The following GABRG3 variants were observed in gnomAD, a reference collection of about 807,000 sequenced individuals.
GABRG3 encodes gamma-aminobutyric acid receptor subunit gamma-3.
Under a neutral mutation model 48.8 loss-of-function variants are expected in GABRG3, and 25 were observed. The observed-to-expected ratio is 0.51, with a 90% CI of 0.37 to 0.72. The LOEUF is 0.72. GABRG3 is among the 30% of genes least tolerant of loss of function. The pLI is 0.00. For missense variants in GABRG3, 394 were observed against 577.9 expected (o/e 0.68, Z 3.26); for synonymous variants, 227 against 217.6 (o/e 1.04, Z -0.38).
chr15:27,174,584 G>GTCTCTCTCTCTCTC lies in GABRG3; in HGVS notation c.270+147784_270+147797dup, dbSNP rs150022606. The stretch of plus-strand genomic sequence containing the variant: ...GGACCAGTGACTGCCTCTCTCTCTC[G>GTCTCTCTCTCTCTC]TCTCTCTCTCTCTCTCTCTCTCTCT... On this transcript the variant is annotated intron_variant, in intron 3 of 9. Coordinates refer to ENST00000615808, the MANE Select transcript of GABRG3 (RefSeq NM_033223.5). Among the ~76,000 whole-genome samples the GTCTCTCTCTCTCTC allele has an allele frequency of 2.1e-3, 289 of 139,732 alleles. 3 individuals carry two copies. The highest frequency in any genetic ancestry group is 5.8e-3 in the African/African-American group (211 of 36,456). 91.7% of individuals were successfully genotyped at this position (139,732 alleles called of 152,430 possible).
chr15:27,439,461 T>A (rs754599008), intron 5 of GABRG3, among the ~76,000 whole-genome samples: 1 of 152,234 alleles, frequency 6.6e-6, no homozygotes, highest in Non-Finnish European at 1.5e-5. Flanking sequence ...AGATTGATGT[T>A]GATCATCTGT....
chr15:27,206,467 G>T lies in GABRG3; in HGVS notation c.271-120342G>T, dbSNP rs531576399. Among the ~76,000 whole-genome samples the T allele has an allele frequency of 3.9e-5, 6 of 152,204 alleles. No homozygotes were observed. The South Asian group carries it at 1.2e-3, about 32-fold the overall frequency. On this transcript the variant is annotated intron_variant, in intron 3 of 9. Transcript: ENST00000615808. ...GAATTTGTTGAGAATTGCTTTATGG[G>T]CTTAGCATATGGTAAATGTTAGAGT...
chr15:27,153,127 C>T (rs1004440637), intron 3 of GABRG3, among the ~76,000 whole-genome samples: 1 of 152,162 alleles, frequency 6.6e-6, no homozygotes, highest in Non-Finnish European at 1.5e-5. Context: ...TCCCAAAGTG[C>T]TGGGATTACA....
intron 3 of GABRG3, among the ~76,000 whole-genome samples, chr15:27,191,851 C>T (rs958139098): frequency 8.5e-5 from 13 of 152,118 alleles, no homozygotes; most frequent in Non-Finnish European, 1.5e-4. Flanking sequence ...CATGATTTTG[C>T]AGTGGCTGGT....
At chr15:27,042,407 C>T (rs184956995) in intron 3 of GABRG3, among the ~76,000 whole-genome samples, 1 of 152,304 alleles carries the variant, frequency 6.6e-6, no homozygotes, top group African/African-American at 2.4e-5. Context: ...TGGACACATC[C>T]TCCTCCATCC....
At chr15:27,031,063 G>GACACACAC (rs72485766) in intron 3 of GABRG3, among the ~76,000 whole-genome samples, 2,482 of 149,872 alleles carry the variant, frequency 0.017, 78 homozygotes, top group African/African-American at 0.054. Context: ...CACACACACA[G>GACACACAC]ACACACACAC....
chr15:27,229,377 C>G (rs1287781734), intron 3 of GABRG3, among the ~76,000 whole-genome samples: 1 of 152,054 alleles, frequency 6.6e-6, no homozygotes, highest in African/African-American at 2.4e-5. Context: ...TGTCAAAGAT[C>G]AGATGCTATA....
intron 3 of GABRG3, among the ~76,000 whole-genome samples, chr15:27,257,808 G>A (rs1471690895): frequency 6.8e-6 from 1 of 146,950 alleles, no homozygotes; most frequent in African/African-American, 2.7e-5. Context: ...ACCACCACAC[G>A]TGGCTATTTT....
At chr15:27,218,080 G>A (rs1035580935) in intron 3 of GABRG3, among the ~76,000 whole-genome samples, 1 of 152,168 alleles carries the variant, frequency 6.6e-6, no homozygotes, top group African/African-American at 2.4e-5. Context: ...TGCGATTACA[G>A]CTCGCTGTAG....
intron 9 of GABRG3, chr15:27,530,608 C>T (rs779136386): frequency 6.4e-6 from 3 of 471,096 alleles, no homozygotes; most frequent in South Asian, 3.1e-5. Context: ...GTTTCTCTTG[C>T]TCCAGAAGCC....
At chr15:27,441,855 C>T (rs1222730206) in intron 5 of GABRG3, among the ~76,000 whole-genome samples, 1 of 152,176 alleles carries the variant, frequency 6.6e-6, no homozygotes, top group African/African-American at 2.4e-5. Context: ...TCAGGCTTGG[C>T]AACCACTGGA....
chr15:27,454,234 C>T (rs190508696), intron 5 of GABRG3, among the ~76,000 whole-genome samples: 2 of 152,312 alleles, frequency 1.3e-5, no homozygotes, highest in East Asian at 1.9e-4. Context: ...TCCTTGAACA[C>T]TTCAGAAAAA....
At chr15:27,480,569 CA>C in intron 5 of GABRG3, 80 bp from the exon 6 acceptor site, 1 of 1,295,370 alleles carries the variant, frequency 7.7e-7, no homozygotes, top group South Asian at 1.5e-5. Context: ...TCCTGTAATT[CA>C]TTGATCAGAA....
At chr15:27,324,420 A>G (rs1893535558) in intron 3 of GABRG3, among the ~76,000 whole-genome samples, 2 of 152,170 alleles carry the variant, frequency 1.3e-5, no homozygotes, top group South Asian at 4.1e-4. Flanking sequence ...GGTTTTTCTT[A>G]GATTCAGCTC....
chr15:27,102,139 CTG>C (rs1196182724), intron 3 of GABRG3, among the ~76,000 whole-genome samples: 1 of 152,316 alleles, frequency 6.6e-6, no homozygotes, highest in Middle Eastern at 3.4e-3. Flanking sequence ...CTCCTGAGCT[CTG>C]TGTTTCAGCA....
chr15:27,201,740 A>G (rs1039015011), intron 3 of GABRG3, among the ~76,000 whole-genome samples: 2 of 152,142 alleles, frequency 1.3e-5, no homozygotes, highest in Admixed American at 1.3e-4. Context: ...GCTGTTTATA[A>G]TCGGAACAAT....
intron 5 of GABRG3, among the ~76,000 whole-genome samples, chr15:27,436,741 G>T (rs1366384368): frequency 6.6e-6 from 1 of 152,156 alleles, no homozygotes; most frequent in Non-Finnish European, 1.5e-5. Context: ...GAGCAACCAA[G>T]ACCATGGCTG....
chr15:27,197,602 T>A (rs1378768324), intron 3 of GABRG3, among the ~76,000 whole-genome samples: 1 of 152,036 alleles, frequency 6.6e-6, no homozygotes, highest in Non-Finnish European at 1.5e-5. Flanking sequence ...AAGTAAACAT[T>A]GCACGTGCGT....
At chr15:26,979,228 GT>G (rs1160384441) in intron 2 of GABRG3, among the ~76,000 whole-genome samples, 1 of 151,984 alleles carries the variant, frequency 6.6e-6, no homozygotes, top group Non-Finnish European at 1.5e-5. Context: ...GACTTTTTTT[GT>G]TTGTTTGTTT....
Sources: allele counts gnomAD v4.1 joint callset (sites outside exome capture counted in the v4.1 genomes callset), GRCh38; gene constraint gnomAD v4.1.1; transcripts MANE v1.5; gene names NCBI Gene and HGNC (gene_info 2026-07-23, HGNC 2026-07-21).